The following TSEN15 variants were observed in gnomAD, a reference collection of about 807,000 sequenced individuals.
TSEN15 encodes tRNA-splicing endonuclease subunit Sen15.
Under a neutral mutation model 20.5 loss-of-function variants are expected in TSEN15, and 10 were observed. The ratio of observed to expected loss-of-function variants is 0.49; its 90% CI spans 0.30 to 0.83. TSEN15 has a LOEUF of 0.83. Ranked by LOEUF, TSEN15 falls within the 40% of genes least tolerant of loss-of-function variation. The pLI is 0.06. For synonymous variants in TSEN15, 72 were observed against 80.1 expected (o/e 0.90, Z 0.54); for missense variants, 180 against 218.6 (o/e 0.82, Z 1.11).
exon 4 of TSEN15, chr1:184,095,990 A>G: frequency 2.8e-6 from 1 of 361,738 alleles, no homozygotes; most frequent in Non-Finnish European, 4.9e-6. Flanking sequence ...AATAATTGCC[A>G]TTGTTATTGC....
intron 3 of TSEN15, chr1:184,095,649 C>G (rs976329059): frequency 2.5e-6 from 1 of 396,852 alleles, no homozygotes; most frequent in Non-Finnish European, 4.4e-6. Context: ...CTCTCTCTCT[C>G]TCTCTCTCTC....
intron 4 of TSEN15, 82 bp from the exon 5 acceptor site, chr1:184,072,745 T>TA (rs1324186836): frequency 1.7e-6 from 2 of 1,173,574 alleles, no homozygotes; most frequent in Admixed American, 1.9e-5. Flanking sequence ...TTTGGATAAT[T>TA]ACATTAAATA....
chr1:184,079,353 A>G (rs1181037896), intron 3 of TSEN15, among the ~76,000 whole-genome samples: 5 of 152,220 alleles, frequency 3.3e-5, no homozygotes, highest in Non-Finnish European at 7.3e-5. Flanking sequence ...ATCTTCAGAC[A>G]TTAACTGGTA....
At chr1:184,054,921 A>G in intron 3 of TSEN15, 58 bp downstream of exon 3, 1 of 1,550,828 alleles carries the variant, frequency 6.4e-7, no homozygotes, top group Non-Finnish European at 8.7e-7. Flanking sequence ...GGAAACATTA[A>G]ACATAGTGAT....
rs1553219960 is a variant in TSEN15, at chr1:184,065,183, T to TACACACAAAC, written c.354-6967_354-6966insAACACACACA. On this transcript the variant is annotated intron_variant, in intron 3 of 4. Transcript: ENST00000645668. ...AACCTTAGAGTCATTTTAAAATGTA[T>TACACACAAAC]ACACACACACACACACACACACTTT... Among the ~76,000 whole-genome samples the TACACACAAAC allele has an allele frequency of 3.1e-3, 465 of 150,116 alleles. 2 individuals are homozygous for TACACACAAAC. Among genetic ancestry groups the TACACACAAAC allele is most frequent in the African/African-American group, 7.4e-3 (303 of 40,934 alleles).
At chr1:184,081,770 G>C (rs942551398) in intron 3 of TSEN15, among the ~76,000 whole-genome samples, 1 of 152,108 alleles carries the variant, frequency 6.6e-6, no homozygotes, top group Non-Finnish European at 1.5e-5. Context: ...GTACCACCAG[G>C]TTGGGAAACA....
intron 3 of TSEN15, among the ~76,000 whole-genome samples, chr1:184,064,569 C>T (rs1250109600): frequency 6.6e-6 from 1 of 151,674 alleles, no homozygotes; most frequent in Non-Finnish European, 1.5e-5. Flanking sequence ...AAACAAACAG[C>T]TCTCCTCCTG....
At chr1:184,081,307 GACTGAA>G (rs1467921327) in intron 3 of TSEN15, among the ~76,000 whole-genome samples, 1 of 152,170 alleles carries the variant, frequency 6.6e-6, no homozygotes, top group Non-Finnish European at 1.5e-5. Flanking sequence ...CATGCCCATT[GACTGAA>G]ACGACCCATT....
At chr1:184,072,386 C>A in intron 4 of TSEN15, 88 bp downstream of exon 4, 1 of 1,197,502 alleles carries the variant, frequency 8.4e-7, no homozygotes, top group Non-Finnish European at 1.1e-6. Flanking sequence ...AGTCACAGAA[C>A]TGCCACTTCC....
chr1:184,074,784 C>T (rs1651025102), downstream of TSEN15, among the ~76,000 whole-genome samples: 1 of 151,924 alleles, frequency 6.6e-6, no homozygotes. Context: ...GTAGTCATTC[C>T]TGACTCCTTC....
chr1:184,054,992 G>T, intron 3 of TSEN15, 129 bp downstream of exon 3: 1 of 1,074,378 alleles, frequency 9.3e-7, no homozygotes, highest in Non-Finnish European at 1.3e-6. Context: ...GCTATTTGAG[G>T]AATAAGTTAA....
chr1:184,059,949 G>T (rs528103271), intron 3 of TSEN15, among the ~76,000 whole-genome samples: 2 of 152,326 alleles, frequency 1.3e-5, no homozygotes, highest in East Asian at 3.9e-4. Context: ...CTTGCAATGT[G>T]TAAGTTTTCA....
chr1:184,084,287 C>T (rs1474495590), intron 3 of TSEN15, among the ~76,000 whole-genome samples: 1 of 151,930 alleles, frequency 6.6e-6, no homozygotes, highest in Non-Finnish European at 1.5e-5. Context: ...TGATAACTAG[C>T]TGAGAGCCAG....
At chr1:184,092,344 T>A (rs1167756329) in intron 3 of TSEN15, among the ~76,000 whole-genome samples, 1 of 152,342 alleles carries the variant, frequency 6.6e-6, no homozygotes, top group African/African-American at 2.4e-5. Context: ...ATAGATACCA[T>A]GCTAGCATCT....
chr1:184,056,146 T>A (rs1650243855), intron 3 of TSEN15, among the ~76,000 whole-genome samples: 1 of 152,170 alleles, frequency 6.6e-6, no homozygotes, highest in South Asian at 2.1e-4. Flanking sequence ...ATGTTTAACT[T>A]TAGGAGATAA....
chr1:184,069,639 T>C (rs144818440), intron 3 of TSEN15, among the ~76,000 whole-genome samples: 22 of 152,178 alleles, frequency 1.4e-4, no homozygotes, highest in African/African-American at 5.3e-4. Context: ...AAGAATCTTT[T>C]GTTACTGCTA....
chr1:184,081,976 GC>G (rs565595055), intron 3 of TSEN15, among the ~76,000 whole-genome samples: 56 of 152,282 alleles, frequency 3.7e-4, no homozygotes, highest in African/African-American at 1.3e-3. Context: ...AAGCAGTTGT[GC>G]CTATAGCATA....
intron 3 of TSEN15, among the ~76,000 whole-genome samples, chr1:184,081,281 T>C (rs537171121): frequency 3.9e-5 from 6 of 152,222 alleles, no homozygotes; most frequent in African/African-American, 1.4e-4. Flanking sequence ...CAAGTGTTTA[T>C]TGCTTGCTCA....
chr1:184,090,205 G>C (rs934839650), intron 3 of TSEN15, among the ~76,000 whole-genome samples: 1 of 152,140 alleles, frequency 6.6e-6, no homozygotes, highest in African/African-American at 2.4e-5. Flanking sequence ...TGCTGAATGA[G>C]GGAAGTCAAA....
Sources: allele counts gnomAD v4.1 joint callset (sites outside exome capture counted in the v4.1 genomes callset), GRCh38; gene constraint gnomAD v4.1.1; transcripts MANE v1.5; gene names NCBI Gene and HGNC (gene_info 2026-07-23, HGNC 2026-07-21).